The following EXOC4 variants were observed in gnomAD, a reference collection of about 807,000 sequenced individuals.
The protein encoded by EXOC4 is SEC8-like 1.
EXOC4 carries 71 observed loss-of-function variants against 107.2 expected under a neutral mutation model. The observed-to-expected ratio is 0.66, with a 90% confidence interval of 0.55 to 0.81. EXOC4 has a LOEUF of 0.81. Among genes scored for constraint, EXOC4 ranks in the 30% least tolerant of loss-of-function variants. The pLI is 0.00. For missense variants in EXOC4, 1,108 were observed against 1,189.6 expected (o/e 0.93, Z 1.01); for synonymous variants, 456 against 441.2 (o/e 1.03, Z -0.42).
At chr7:133,472,475 A>G (rs1436249420) in intron 7 of EXOC4, among the ~76,000 whole-genome samples, 1 of 152,186 alleles carries the variant, frequency 6.6e-6, no homozygotes. Flanking sequence ...GAAACTACCA[A>G]CAAACAAAAA....
At chr7:133,608,221 T>A (rs911458143) in intron 9 of EXOC4, among the ~76,000 whole-genome samples, 1 of 152,154 alleles carries the variant, frequency 6.6e-6, no homozygotes. Flanking sequence ...GAAATACATT[T>A]TCCCTTGAAA....
chr7:133,392,724 G>A (rs1321262085), intron 7 of EXOC4, among the ~76,000 whole-genome samples: 1 of 152,188 alleles, frequency 6.6e-6, no homozygotes, highest in Non-Finnish European at 1.5e-5. Flanking sequence ...ACAGTGGTGT[G>A]TATGCCAGTC....
At chr7:133,697,151 A>G (rs1422387137) in intron 10 of EXOC4, among the ~76,000 whole-genome samples, 2 of 152,190 alleles carry the variant, frequency 1.3e-5, no homozygotes, top group African/African-American at 2.4e-5. Flanking sequence ...AAGCTCTCAT[A>G]GTAATACTAG....
intron 10 of EXOC4, among the ~76,000 whole-genome samples, chr7:133,711,438 G>T (rs755462963): frequency 6.6e-6 from 1 of 152,136 alleles, no homozygotes; most frequent in East Asian, 1.9e-4. Context: ...AAATACACAC[G>T]ATCACTTTTG....
At chr7:133,782,710 G>T (rs909964112) in intron 10 of EXOC4, among the ~76,000 whole-genome samples, 1 of 152,152 alleles carries the variant, frequency 6.6e-6, no homozygotes, top group Non-Finnish European at 1.5e-5. Flanking sequence ...TGAATGCCAG[G>T]AATGACTGTC....
chr7:133,538,406 A>G (rs1459243620), intron 9 of EXOC4, among the ~76,000 whole-genome samples: 1 of 151,960 alleles, frequency 6.6e-6, no homozygotes, highest in African/African-American at 2.4e-5. Context: ...AAAATATTTT[A>G]CTCTTAGACC....
At chr7:133,815,214 A>G (rs1797337801) in intron 10 of EXOC4, among the ~76,000 whole-genome samples, 1 of 151,982 alleles carries the variant, frequency 6.6e-6, no homozygotes, top group African/African-American at 2.4e-5. Flanking sequence ...CTCCATCCCT[A>G]CTAAAAATAG....
intron 10 of EXOC4, among the ~76,000 whole-genome samples, chr7:133,639,716 G>A (rs986151340): frequency 6.6e-6 from 1 of 152,056 alleles, no homozygotes; most frequent in African/African-American, 2.4e-5. Flanking sequence ...TGACTTTCTT[G>A]TTGCACTTGA....
intron 10 of EXOC4, among the ~76,000 whole-genome samples, chr7:133,731,223 T>G (rs1371178842): frequency 1.3e-5 from 2 of 152,200 alleles, no homozygotes; most frequent in Non-Finnish European, 2.9e-5. Context: ...ACCATTTAAG[T>G]GTATGATTCA....
chr7:134,074,483 T>G, the EXOC4 span, among the ~76,000 whole-genome samples: 1 of 152,196 alleles, frequency 6.6e-6, no homozygotes, highest in Non-Finnish European at 1.5e-5. Context: ...TCAATTACTT[T>G]CTCAATAACA....
intron 14 of EXOC4, among the ~76,000 whole-genome samples, chr7:133,951,540 C>T (rs1800691297): frequency 2.0e-5 from 3 of 152,184 alleles, no homozygotes; most frequent in Admixed American, 6.5e-5. Context: ...CATAGTGGTA[C>T]TCAACATGAA....
At chr7:133,603,828 TTTATAGAAAATAATTTATTAATAA>T in intron 9 of EXOC4, among the ~76,000 whole-genome samples, 1 of 152,178 alleles carries the variant, frequency 6.6e-6, no homozygotes, top group South Asian at 2.1e-4. Flanking sequence ...CTACACTTAA[TTTATAGAAAATAATTTATTAATAA>T]ACAGCTTACT....
chr7:134,067,149 C>CA (rs10597442), downstream of EXOC4, among the ~76,000 whole-genome samples: 866 of 121,594 alleles, frequency 7.1e-3, 7 homozygotes, highest in Non-Finnish European at 0.011. Context: ...CACTCTGTCT[C>CA]AAAAAAAAAA....
At chr7:133,730,556 A>C (rs556585698) in intron 10 of EXOC4, among the ~76,000 whole-genome samples, 1 of 152,248 alleles carries the variant, frequency 6.6e-6, no homozygotes, top group Admixed American at 6.5e-5. Context: ...TAGATTTGGC[A>C]GATTTCACAT....
chr7:133,786,047 T>G (rs973457350), intron 10 of EXOC4, among the ~76,000 whole-genome samples: 2 of 152,202 alleles, frequency 1.3e-5, no homozygotes, highest in Non-Finnish European at 2.9e-5. Context: ...CTTCAACTTC[T>G]TTCCAGTATA....
rs1015201124 is a variant in EXOC4 at position 133,360,870 on chromosome 7, T to C, written c.1007+4297T>C. Among the ~76,000 whole-genome samples the C allele has an allele frequency of 2.6e-5, 4 of 152,210 alleles. No homozygotes were observed. In the East Asian group the frequency reaches 7.7e-4, roughly 29 times the overall value. ...ATGTTCATAAAACTAAATTTTAATATTGAAAAATATAATACCTGTTTTTAA... is the reference window on the plus strand; with the variant it reads ...ATGTTCATAAAACTAAATTTTAATACTGAAAAATATAATACCTGTTTTTAA... On this transcript the variant is annotated intron_variant, in intron 6 of 17. Coordinates refer to ENST00000253861, the MANE Select transcript of EXOC4 (RefSeq NM_021807.4).
intron 9 of EXOC4, among the ~76,000 whole-genome samples, chr7:133,529,961 A>G (rs1800150496): frequency 1.3e-5 from 2 of 152,276 alleles, no homozygotes; most frequent in South Asian, 4.1e-4. Context: ...GGAGTTTACT[A>G]TGTGCCAGCC....
chr7:133,802,520 G>A (rs1451335706), intron 10 of EXOC4, among the ~76,000 whole-genome samples: 1 of 152,074 alleles, frequency 6.6e-6, no homozygotes, highest in Non-Finnish European at 1.5e-5. Flanking sequence ...AATAACTATT[G>A]CTGAGAATTT....
At chr7:133,385,423 G>T (rs1796707025) in intron 7 of EXOC4, among the ~76,000 whole-genome samples, 1 of 152,138 alleles carries the variant, frequency 6.6e-6, no homozygotes, top group Non-Finnish European at 1.5e-5. Context: ...ATTGTCTACT[G>T]CTCTTAATTT....
Sources: gnomAD v4.1 joint callset for allele counts (sites outside exome capture counted in the v4.1 genomes callset) on GRCh38, gnomAD v4.1.1 for gene constraint, MANE v1.5 for transcripts, NCBI Gene and HGNC (gene_info 2026-07-23, HGNC 2026-07-21) for gene names.